TPX2: variants seen among roughly 807,000 people sequenced by gnomAD.
TPX2 encodes TPX2 microtubule nucleation factor.
In TPX2, 21 loss-of-function variants were observed where a neutral mutation model predicts 93.6. The ratio of observed to expected loss-of-function variants is 0.22; its 90% confidence interval spans 0.16 to 0.32. TPX2 has a LOEUF of 0.32. TPX2 is among the 10% of genes least tolerant of loss of function. The pLI is 1.00. For synonymous variants in TPX2, 281 were observed against 298.3 expected (o/e 0.94, Z 0.60); for missense variants, 776 against 871.1 (o/e 0.89, Z 1.37).
Position 31,801,167 on chromosome 20 carries a change from T to A in TPX2, c.*87T>A. On this transcript the variant is annotated 3_prime_UTR_variant, in exon 18 of 18. Coordinates refer to ENST00000300403, the MANE Select transcript of TPX2 (RefSeq NM_012112.5). ...GACCGTCTTGCTTTGTCATTGGGCATGGAGAGAACCCATTTCTCCAGACTT... is the reference window on the plus strand; with the variant it reads ...GACCGTCTTGCTTTGTCATTGGGCAAGGAGAGAACCCATTTCTCCAGACTT... 2 of 1,195,740 alleles carry A rather than the reference T, an allele frequency of 1.7e-6. No homozygotes were observed. Among genetic ancestry groups the A allele is most frequent in the South Asian group, 1.3e-5 (1 of 78,984 alleles). The allele number at this position is 1,195,740 out of a possible 1,614,324, so 74.1% of individuals were successfully genotyped here. A position where few individuals can be genotyped will look rare whatever the true frequency, so the allele number is the denominator to read the frequency against.
intron 2 of TPX2, among the ~76,000 whole-genome samples, chr20:31,751,736 A>C (rs1438885344): frequency 6.6e-6 from 1 of 152,126 alleles, no homozygotes; most frequent in Non-Finnish European, 1.5e-5. Context: ...ATAATGGTTT[A>C]TACAATAATT....
At chr20:31,763,997 C>A (rs189476169) in intron 4 of TPX2, among the ~76,000 whole-genome samples, 1 of 151,108 alleles carries the variant, frequency 6.6e-6, no homozygotes, top group Non-Finnish European at 1.5e-5. Flanking sequence ...CCAGCCTGGG[C>A]GATAGAGCAA....
intron 2 of TPX2, among the ~76,000 whole-genome samples, chr20:31,752,119 T>C (rs1472423296): frequency 6.6e-6 from 1 of 152,164 alleles, no homozygotes; most frequent in Non-Finnish European, 1.5e-5. Context: ...TAGAGGTATA[T>C]AGTAGCTGAT....
chr20:31,777,528 G>A lies in TPX2; in HGVS notation c.772G>A (p.Val258Ile), dbSNP rs528639233. 34 of 1,614,144 alleles carry A rather than the reference G, an allele frequency of 2.1e-5. No homozygotes were observed. The African/African-American group carries it at 2.8e-4, about 13-fold the overall frequency. Residue 258 changes from valine to isoleucine, a missense_variant, in exon 9 of 18, where the codon GTT (valine) becomes ATT (isoleucine). By Grantham distance (29) the Val-to-Ile change is conservative. Coordinates refer to ENST00000300403, the MANE Select transcript of TPX2 (RefSeq NM_012112.5). ...ATCAGTGAGCCAGGTCACCAAATCA[G>A]TTGACTTCCACTTCCGCACAGATGA... ...KKSVSQVTKS[V>I]DFHFRTDERI...
chr20:31,793,468 T>C (rs916735413), intron 13 of TPX2, among the ~76,000 whole-genome samples: 1 of 152,206 alleles, frequency 6.6e-6, no homozygotes, highest in Non-Finnish European at 1.5e-5. Flanking sequence ...GGTTTGGCAA[T>C]CCTATTCTGG....
chr20:31,768,314 C>G (rs576132154), intron 5 of TPX2, among the ~76,000 whole-genome samples: 7 of 151,486 alleles, frequency 4.6e-5, no homozygotes, highest in African/African-American at 1.5e-4. Flanking sequence ...TGGCTCACTG[C>G]AACCTCCGCC....
chr20:31,775,173 G>A (rs1000726543), intron 7 of TPX2, among the ~76,000 whole-genome samples: 4 of 152,078 alleles, frequency 2.6e-5, no homozygotes, highest in African/African-American at 9.7e-5. Context: ...TGGCCAGGTT[G>A]GTCTCGAACT....
At chr20:31,750,028 C>T (rs1216815814) in intron 2 of TPX2, among the ~76,000 whole-genome samples, 1 of 152,060 alleles carries the variant, frequency 6.6e-6, no homozygotes, top group Non-Finnish European at 1.5e-5. Context: ...ACCTCCTCCT[C>T]CCGGGTTCAA....
chr20:31,760,197 A>G lies in TPX2; in HGVS notation c.229+18A>G, dbSNP rs115481913. 12 of 1,612,740 alleles carry G rather than the reference A, an allele frequency of 7.4e-6. No individual in the cohort carries two copies. The Admixed American group carries it at 1.3e-4, about 18-fold the overall frequency. On this transcript the variant is annotated intron_variant, in intron 4 of 17. Coordinates refer to ENST00000300403, the MANE Select transcript of TPX2 (RefSeq NM_012112.5). ...GAAACCAGGTAAGAAAACATCTTAG[A>G]AAAAAGCTCCTTGATAGAATGGTGG...
chr20:31,770,535 G>A lies in TPX2; in HGVS notation c.485+64G>A, dbSNP rs560838213. On this transcript the variant is annotated intron_variant, in intron 6 of 17. Transcript: ENST00000300403. ...ATTGTACCTTGTATACCACTTGTAA[G>A]TTTCTTTTCTGAATTTACACTTTAG... 3,127 of 1,375,548 alleles carry A rather than the reference G, an allele frequency of 2.3e-3. 7 individuals carry two copies. Among genetic ancestry groups the A allele is most frequent in the Non-Finnish European group, 2.7e-3 (2,834 of 1,045,950 alleles). 85.2% of individuals were successfully genotyped at this position (1,375,548 alleles called of 1,614,324 possible).
chr20:31,772,437 A>G (rs2061970193), intron 7 of TPX2, among the ~76,000 whole-genome samples: 1 of 152,222 alleles, frequency 6.6e-6, no homozygotes, highest in Non-Finnish European at 1.5e-5. Flanking sequence ...TGCTGGGATT[A>G]CAGATTTGAG....
chr20:31,790,736 G>A (rs1462257218), intron 12 of TPX2, among the ~76,000 whole-genome samples: 1 of 152,168 alleles, frequency 6.6e-6, no homozygotes, highest in Non-Finnish European at 1.5e-5. Flanking sequence ...AACATTTACT[G>A]AGTGCTTTAT....
intron 5 of TPX2, among the ~76,000 whole-genome samples, chr20:31,769,430 T>G (rs2061950422): frequency 6.6e-6 from 1 of 151,646 alleles, no homozygotes; most frequent in South Asian, 2.1e-4. Context: ...GCCATTCTCC[T>G]GCCTCAGCCT....
intron 17 of TPX2, 123 bp downstream of exon 17, chr20:31,798,675 A>G: frequency 1.7e-6 from 2 of 1,205,620 alleles, no homozygotes; most frequent in East Asian, 2.6e-5. Flanking sequence ...CAATGAGTGA[A>G]AGGGGGAATT....
rs2062173221 is a variant in TPX2, at chr20:31,801,702, A to G, written c.*622A>G. On this transcript the variant is annotated 3_prime_UTR_variant, in exon 18 of 18. Coordinates refer to ENST00000300403, the MANE Select transcript of TPX2 (RefSeq NM_012112.5). ...GCAGGCTCTGGGTGGGGCTGCCGTT[A>G]AGGCACGTTCTTTCCTTACTGGTGC... The G allele has an allele frequency of 6.6e-6, 1 of 152,284 alleles. No homozygotes were observed. The highest frequency in any genetic ancestry group is 2.1e-4 in the South Asian group (1 of 4,838). The allele number at this position is 152,284 out of a possible 1,614,324, so 9.4% of individuals were successfully genotyped here.
At chr20:31,750,450 G>A (rs935382821) in intron 2 of TPX2, among the ~76,000 whole-genome samples, 18 of 144,510 alleles carry the variant, frequency 1.2e-4, no homozygotes, top group Admixed American at 8.3e-4. Flanking sequence ...CACCGTGCCC[G>A]GCTATTTATT....
At chr20:31,798,920 G>C (rs1448671105) in intron 17 of TPX2, among the ~76,000 whole-genome samples, 1 of 152,166 alleles carries the variant, frequency 6.6e-6, no homozygotes, top group African/African-American at 2.4e-5. Flanking sequence ...ACAACATGTG[G>C]TATAACCATG....
At chr20:31,781,995 G>A (rs1283504450) in intron 10 of TPX2, among the ~76,000 whole-genome samples, 3 of 152,126 alleles carry the variant, frequency 2.0e-5, no homozygotes, top group African/African-American at 4.8e-5. Context: ...TGTCAGACAT[G>A]GATGGATTTT....
chr20:31,783,748 G>T lies in TPX2; in HGVS notation c.1240G>T (p.Gly414Cys). 6.2e-7 allele frequency: 1 copy of T among 1,613,026 alleles called. No individual in the cohort carries two copies. The stretch of plus-strand genomic sequence containing the variant: ...TGAACTTGATCCCAGAATACTTGAA[G>T]GTGGGCCCATCTTGCCCAAGAAACC... ...ARELDPRILE[G>C]GPILPKKPPV... The change falls in exon 12 of 18, where the codon GGT becomes TGT. Residue 414 changes from glycine to cysteine, a missense_variant. By Grantham distance (159) the Gly-to-Cys change is radical. Coordinates refer to ENST00000300403, the MANE Select transcript of TPX2 (RefSeq NM_012112.5).
Sources: gnomAD v4.1 joint callset for allele counts (sites outside exome capture counted in the v4.1 genomes callset) on GRCh38, gnomAD v4.1.1 for gene constraint, MANE v1.5 for transcripts, NCBI Gene and HGNC (gene_info 2026-07-23, HGNC 2026-07-21) for gene names.